The following TMEM130 variants were observed in gnomAD, a reference collection of about 807,000 sequenced individuals.
The protein encoded by TMEM130 is transmembrane protein 130.
Under a neutral mutation model 42.9 loss-of-function variants are expected in TMEM130, and 37 were observed. The ratio of observed to expected loss-of-function variants is 0.86; its 90% CI spans 0.66 to 1.13. The LOEUF (loss-of-function observed/expected upper bound fraction) is 1.13. TMEM130 is among the 50% of genes most tolerant of loss of function. TMEM130 has a pLI of 0.00. For synonymous variants in TMEM130, 259 were observed against 237.7 expected (o/e 1.09, Z -0.82); for missense variants, 545 against 562.6 (o/e 0.97, Z 0.32).
chr7:98,857,347 C>T (rs777309767), intron 3 of TMEM130, among the ~76,000 whole-genome samples: 13 of 152,208 alleles, frequency 8.5e-5, no homozygotes, highest in East Asian at 3.9e-4. Context: ...CTCAATGCAA[C>T]GACTCCCCAG....
chr7:98,856,813 G>A (rs1443790406), intron 3 of TMEM130, among the ~76,000 whole-genome samples: 8 of 152,078 alleles, frequency 5.3e-5, no homozygotes, highest in Non-Finnish European at 1.2e-4. Flanking sequence ...GGGTTCTGTT[G>A]GACAAAGCTG....
Position 98,863,357 on chromosome 7 carries a change from CGTGGTGGCAGGGCTATCG to C in TMEM130, c.111_128del (p.Asp38_Thr43del). 2 of 1,606,296 alleles carry C rather than the reference CGTGGTGGCAGGGCTATCG, an allele frequency of 1.2e-6. No individual in the cohort carries two copies. The highest frequency in any genetic ancestry group is 1.7e-6 in the Non-Finnish European group (2 of 1,178,264). The stretch of plus-strand genomic sequence containing the variant: ...TGGCCGAGATGGTCACCACCGCTCC[CGTGGTGGCAGGGCTATCG>C]GTGGTGAGATTGAGTTCATACAGGC... On this transcript the variant is annotated inframe_deletion, in exon 2 of 8. Transcript: ENST00000339375.
At chr7:98,854,320 C>A (rs1554398639) in intron 5 of TMEM130, among the ~76,000 whole-genome samples, 2 of 152,116 alleles carry the variant, frequency 1.3e-5, no homozygotes, top group African/African-American at 2.4e-5. Flanking sequence ...GATCTGGGGG[C>A]TGGAAAATAG....
intron 1 of TMEM130, among the ~76,000 whole-genome samples, chr7:98,868,470 C>T (rs1239118079): frequency 6.6e-6 from 1 of 152,192 alleles, no homozygotes; most frequent in Non-Finnish European, 1.5e-5. Flanking sequence ...CTACACCAGT[C>T]CTTTCACACA....
At chr7:98,857,057 G>T (rs2116095026) in intron 3 of TMEM130, among the ~76,000 whole-genome samples, 1 of 152,132 alleles carries the variant, frequency 6.6e-6, no homozygotes, top group East Asian at 1.9e-4. Context: ...GAGTAGCTGG[G>T]ACTACAGGCA....
chr7:98,865,538 G>T (rs1584246460), intron 1 of TMEM130, among the ~76,000 whole-genome samples: 1 of 152,082 alleles, frequency 6.6e-6, no homozygotes. Context: ...AACCCGGAAG[G>T]CAGAGGTTGC....
intron 1 of TMEM130, among the ~76,000 whole-genome samples, chr7:98,868,358 C>G (rs1554400927): frequency 6.6e-6 from 1 of 152,090 alleles, no homozygotes; most frequent in African/African-American, 2.4e-5. Flanking sequence ...GGGGCAAAAG[C>G]AAAAAGAGAT....
In TMEM130 at chr7:98,863,288, G is replaced by T; in HGVS notation, c.198C>A (p.Asp66Glu). 1 of 1,612,960 alleles carries T rather than the reference G, an allele frequency of 6.2e-7. No individual in the cohort carries two copies. Among genetic ancestry groups the T allele is most frequent in the South Asian group, 1.1e-5 (1 of 91,050 alleles). The change falls in exon 2 of 8, where the codon GAC becomes GAA. Residue 66 changes from aspartate to glutamate, a missense_variant. By Grantham distance (45) the Asp-to-Glu change is conservative. Transcript: ENST00000339375. ...KDNGSLALPADAHLYRFHWIH... is the reference protein window; with the variant it reads ...KDNGSLALPAEAHLYRFHWIH... Reference sequence around the variant, plus strand: ...TCCAGTGGAAGCGGTAGAGGTGGGCGTCAGCGGGCAGGGCCAGGCTGCCGT... The same window carrying T: ...TCCAGTGGAAGCGGTAGAGGTGGGCTTCAGCGGGCAGGGCCAGGCTGCCGT...
Position 98,856,134 on chromosome 7 carries a change from T to C in TMEM130, c.601A>G (p.Ile201Val), listed in dbSNP as rs782813399. 2 of 1,613,924 alleles carry C rather than the reference T, an allele frequency of 1.2e-6. No individual in the cohort carries two copies. The highest frequency in any genetic ancestry group is 1.7e-5 in the Admixed American group (1 of 59,988). ...DSVVYYNYSIIGTFTVKLKVV... is the reference protein window; with the variant it reads ...DSVVYYNYSIVGTFTVKLKVV... ...TTGAGCTTCACGGTGAAGGTCCCGA[T>C]GATGGAATAGTTATAATAGACCACG... Residue 201 changes from isoleucine (I) to valine (V), a missense_variant, in exon 4 of 8, where the codon ATC (isoleucine) becomes GTC (valine). Coordinates refer to ENST00000339375, the MANE Select transcript of TMEM130 (RefSeq NM_152913.3).
At chr7:98,860,838 G>A (rs1794754911) in intron 2 of TMEM130, among the ~76,000 whole-genome samples, 1 of 151,320 alleles carries the variant, frequency 6.6e-6, no homozygotes, top group Non-Finnish European at 1.5e-5. Flanking sequence ...AGCTATTTGG[G>A]AGGCTGAGGG....
At chr7:98,855,901 G>A (rs1554398888) in intron 4 of TMEM130, 116 bp downstream of exon 4, 11 of 1,216,920 alleles carry the variant, frequency 9.0e-6, no homozygotes, top group South Asian at 4.5e-5. Context: ...GCTCCTCAGA[G>A]GTCTGTGGGG....
chr7:98,867,273 G>A (rs1199173384), intron 1 of TMEM130, among the ~76,000 whole-genome samples: 1 of 152,086 alleles, frequency 6.6e-6, no homozygotes, highest in Non-Finnish European at 1.5e-5. Flanking sequence ...ATGATATTGA[G>A]GGACCTGAAG....
intron 3 of TMEM130, among the ~76,000 whole-genome samples, chr7:98,858,890 T>C (rs1794692131): frequency 1.6e-5 from 2 of 128,896 alleles, no homozygotes; most frequent in Admixed American, 8.6e-5. Context: ...TGAGTTTTGC[T>C]GGGCACAGTG....
In TMEM130 at chr7:98,848,736, GTACT is replaced by G. The variant is rs782245414; in HGVS notation, c.1007-45_1007-42del. ...GTAACATTACAGGACTGGGTAGCTGGTACTACAGTGCTGGTTCTCAGGAAGCAAG... is the reference window on the plus strand; with the variant it reads ...GTAACATTACAGGACTGGGTAGCTGGACAGTGCTGGTTCTCAGGAAGCAAG... On this transcript the variant is annotated intron_variant, in intron 6 of 7. Coordinates refer to ENST00000339375, the MANE Select transcript of TMEM130 (RefSeq NM_152913.3). 12 of 1,321,626 alleles carry G rather than the reference GTACT, an allele frequency of 9.1e-6. No individual in the cohort carries two copies. In the South Asian group the frequency reaches 1.3e-4, roughly 14 times the overall value. The allele number at this position is 1,321,626 out of a possible 1,614,324, so 81.9% of individuals were successfully genotyped here.
rs1554400102 is a variant in TMEM130 at position 98,863,189 on chromosome 7, C to T, written c.297G>A (p.Val99=). 1 of 1,614,122 alleles carries T rather than the reference C, an allele frequency of 6.2e-7. No individual in the cohort carries two copies. The highest frequency in any genetic ancestry group is 8.5e-7 in the Non-Finnish European group (1 of 1,180,026). ...AGACAGAGACCGGGAATTCCCCGGG[C>T]ACGTGGCCGACCACACGGATGGTGG... The part of the protein sequence containing the change: ...LSSTIRVVGH[V]PGEFPVSVWV... Residue 99 remains valine, a synonymous_variant, in exon 2 of 8, where the codon GTG becomes GTA. Transcript: ENST00000339375.
rs1794970797 is a variant in TMEM130, at chr7:98,869,075, T to A, written c.85+702A>T. The A allele has an allele frequency of 1.2e-6, 1 of 835,594 alleles. No individual in the cohort carries two copies. The allele number at this position is 835,594 out of a possible 1,614,324, so 51.8% of individuals were successfully genotyped here. A position where few individuals can be genotyped will look rare whatever the true frequency, so the allele number is the denominator to read the frequency against. ...CACGTCCCATCTGTCCCTCGAATAG[T>A]CTTAAATCTGGGTCCTTTTATGGTT... On this transcript the variant is annotated intron_variant, in intron 1 of 7. Coordinates refer to ENST00000339375, the MANE Select transcript of TMEM130 (RefSeq NM_152913.3). This position sits in a 1 kb window ranked among gnomAD's most constrained non-coding sequence, Gnocchi z 4.7.
rs782249662 is a variant in TMEM130 at position 98,848,100 on chromosome 7, G to T, written c.1228C>A (p.Leu410Met). The change falls in exon 8 of 8, where the codon CTG (leucine) becomes ATG (methionine). Residue 410 changes from leucine (L) to methionine (M), a missense_variant. Coordinates refer to ENST00000339375, the MANE Select transcript of TMEM130 (RefSeq NM_152913.3). Reference sequence around the variant, plus strand: ...ACAGACTTATAGAGGGGCGGGAGCAGCCCGTGGTTCTCACGAACAATTTCC... The same window carrying T: ...ACAGACTTATAGAGGGGCGGGAGCATCCCGTGGTTCTCACGAACAATTTCC... The part of the protein sequence containing the change: ...YLEIVRENHG[L>M]LPPLYKSVKT... 6.2e-7 allele frequency: 1 copy of T among 1,613,968 alleles called. No homozygotes were observed. Among genetic ancestry groups the T allele is most frequent in the African/African-American group, 1.3e-5 (1 of 74,910 alleles).
chr7:98,857,324 G>C (rs1794655554), intron 3 of TMEM130, among the ~76,000 whole-genome samples: 1 of 152,068 alleles, frequency 6.6e-6, no homozygotes, highest in African/African-American at 2.4e-5. Flanking sequence ...CTAGAGCCAG[G>C]TTCCCCCAAC....
At chr7:98,856,286 C>T in intron 3 of TMEM130, 103 bp from the exon 4 acceptor site, 2 of 1,178,830 alleles carry the variant, frequency 1.7e-6, no homozygotes, top group Non-Finnish European at 2.4e-6. Context: ...TCAGGGGAGG[C>T]TGTACAGTGA....
Sources: allele counts gnomAD v4.1 joint callset (sites outside exome capture counted in the v4.1 genomes callset), GRCh38; gene constraint gnomAD v4.1.1; non-coding constraint Gnocchi (gnomAD v3.1); transcripts MANE v1.5; gene names NCBI Gene and HGNC (gene_info 2026-07-23, HGNC 2026-07-21).